Variants in ZNF721 observed in about 807,000 individuals in gnomAD.
ZNF721 encodes zinc finger protein 721.
A neutral mutation model predicts 2.4 loss-of-function variants in ZNF721; 2 were observed. The ratio of observed to expected loss-of-function variants is 0.82; its 90% CI spans 0.34 to 2.58. The LOEUF is 2.58. Ranked by LOEUF, ZNF721 falls within the 30% of genes most tolerant of loss-of-function variation. ZNF721 has a pLI of 0.11. For synonymous variants in ZNF721, 398 were observed against 381.8 expected (o/e 1.04, Z -0.50); for missense variants, 1,187 against 1,085.5 (o/e 1.09, Z -1.31).
At chr4:496,696 A>T (rs1216721493) in intron 1 of ZNF721, among the ~76,000 whole-genome samples, 3 of 150,016 alleles carry the variant, frequency 2.0e-5, no homozygotes, top group Non-Finnish European at 3.0e-5. Context: ...ATCACACAAA[A>T]TACATGACTT....
rs1368338203 is a variant in ZNF721, at chr4:494,093, TAG to T, written c.-94+4961_-94+4962del. 5.2e-4 allele frequency among the ~76,000 whole-genome samples: 79 copies of T among 152,270 alleles called. 1 individual carries two copies. The South Asian group carries it at 0.014, about 28-fold the overall frequency. On this transcript the variant is annotated intron_variant, in intron 1 of 2. Coordinates refer to ENST00000511833, the MANE Select transcript of ZNF721 (RefSeq NM_133474.4). ...TTTATTTTTCTTTAAGCCAATTAAT[TAG>T]AGTTCTTTTATATATTTTCAGTAGT...
Position 442,842 on chromosome 4 carries a change from G to T in ZNF721, c.1625C>A (p.Ala542Glu). Residue 542 changes from alanine (A) to glutamate (E), a missense_variant, in exon 3 of 3, where the codon GCA becomes GAA. Physicochemically the swap from Ala to Glu is moderately radical, Grantham distance 107. Transcript: ENST00000511833. ...EVCGKAFRQS[A>E]ILYVHRRIHT... is the part of the protein sequence containing the mutation. ...AATTCTCCTATGTACATAAAGGATT[G>T]CGGACTGTCTAAAGGCTTTGCCACA... The T allele has an allele frequency of 6.2e-7, 1 of 1,613,844 alleles. No homozygotes were observed. Among genetic ancestry groups the T allele is most frequent in the South Asian group, 1.1e-5 (1 of 91,058 alleles).
chr4:445,496 A>G (rs1405184166), intron 2 of ZNF721, among the ~76,000 whole-genome samples: 2 of 152,212 alleles, frequency 1.3e-5, no homozygotes, highest in African/African-American at 4.8e-5. Flanking sequence ...AGCAAATATT[A>G]CAATGTATAC....
In ZNF721 at chr4:442,200, T is replaced by A. The variant is rs1553863275; in HGVS notation, c.2267A>T (p.Lys756Ile). ...IHTGDKLYKC[K>I]ECGKVFKQSS... ...CTGTTTAAACACTTTCCCACATTCTTTACATTTGTAGAGTTTATCTCCAGT... is the reference window on the plus strand; with the variant it reads ...CTGTTTAAACACTTTCCCACATTCTATACATTTGTAGAGTTTATCTCCAGT... Residue 756 changes from lysine to isoleucine, a missense_variant, in exon 3 of 3, where the codon AAA (lysine) becomes ATA (isoleucine). Physicochemically the swap from Lys to Ile is moderately radical, Grantham distance 102. Coordinates refer to ENST00000511833, the MANE Select transcript of ZNF721 (RefSeq NM_133474.4). 2 of 1,612,310 alleles carry A rather than the reference T, an allele frequency of 1.2e-6. No individual in the cohort carries two copies. Among genetic ancestry groups the A allele is most frequent in the East Asian group, 4.5e-5 (2 of 44,856 alleles).
intron 2 of ZNF721, among the ~76,000 whole-genome samples, chr4:447,572 G>T (rs1553864345): frequency 6.6e-6 from 1 of 152,076 alleles, no homozygotes; most frequent in African/African-American, 2.4e-5. Context: ...AAATATTTAT[G>T]AAGTTTCCAT....
rs782760865 is a variant in ZNF721, at chr4:444,092, A to G, written c.375T>C (p.Thr125=). Residue 125 remains threonine (T), a synonymous_variant, in exon 3 of 3, where the codon ACT becomes ACC. Transcript: ENST00000511833. ...CTCCAGCATGAATTCCTTTATGTTGAGTTAGGTCTGAGAACTTCTGAAATG... is the reference window on the plus strand; with the variant it reads ...CTCCAGCATGAATTCCTTTATGTTGGGTTAGGTCTGAGAACTTCTGAAATG... ...GKSFQKFSDL[T]QHKGIHAGEK... The G allele has an allele frequency of 1.2e-6, 2 of 1,614,124 alleles. No homozygotes were observed. The highest frequency in any genetic ancestry group is 1.7e-6 in the Non-Finnish European group (2 of 1,180,010).
At chr4:497,330 T>C (rs540575228) in intron 1 of ZNF721, among the ~76,000 whole-genome samples, 89 of 151,976 alleles carry the variant, frequency 5.9e-4, no homozygotes, top group East Asian at 1.8e-3. Flanking sequence ...TCCTACCAGT[T>C]TGGGCAATAA....
chr4:491,079 G>A (rs1304915246), intron 1 of ZNF721, among the ~76,000 whole-genome samples: 2 of 152,104 alleles, frequency 1.3e-5, no homozygotes, highest in Non-Finnish European at 2.9e-5. Flanking sequence ...CCTTAAAAGA[G>A]AAGAAAAATA....
intron 1 of ZNF721, among the ~76,000 whole-genome samples, chr4:486,914 C>G (rs1349299277): frequency 6.6e-6 from 1 of 152,062 alleles, no homozygotes; most frequent in Non-Finnish European, 1.5e-5. Context: ...ATGACATTCT[C>G]AAAAAAATCT....
chr4:446,062 A>G (rs1368000942), intron 2 of ZNF721, among the ~76,000 whole-genome samples: 3 of 152,172 alleles, frequency 2.0e-5, no homozygotes, highest in African/African-American at 4.8e-5. Flanking sequence ...CACATGCTGA[A>G]AAAGTATATT....
At chr4:491,670 A>C (rs1337525734) in intron 1 of ZNF721, among the ~76,000 whole-genome samples, 1 of 152,244 alleles carries the variant, frequency 6.6e-6, no homozygotes, top group Non-Finnish European at 1.5e-5. Context: ...TCCAACATGT[A>C]TGAGAGGTTC....
intron 1 of ZNF721, among the ~76,000 whole-genome samples, chr4:483,960 T>C (rs1715832525): frequency 6.6e-6 from 1 of 152,220 alleles, no homozygotes; most frequent in South Asian, 2.1e-4. Context: ...TCCAGGGATG[T>C]ACCAGCACAC....
chr4:480,459 A>G (rs1186969278), intron 1 of ZNF721, among the ~76,000 whole-genome samples: 1 of 152,236 alleles, frequency 6.6e-6, no homozygotes, highest in Non-Finnish European at 1.5e-5. Flanking sequence ...TGTACAGTTT[A>G]GTAGTGCTAA....
At position 447,277 on chromosome 4, in the gene ZNF721, G is replaced by A. The variant is rs1004755305; in HGVS notation, c.35-2845C>T. 5.3e-5 allele frequency among the ~76,000 whole-genome samples: 8 copies of A among 152,096 alleles called. No individual in the cohort carries two copies. In the South Asian group the frequency reaches 6.2e-4, roughly 12 times the overall value. On this transcript the variant is annotated intron_variant, in intron 2 of 2. Coordinates refer to ENST00000511833, the MANE Select transcript of ZNF721 (RefSeq NM_133474.4). The stretch of plus-strand genomic sequence containing the variant: ...GCAGAGCTTGCAGTGAGCCGAGATC[G>A]CGCCACTGCACTCCATCCTGGGTGA...
At chr4:476,585 A>T (rs151028561) in intron 1 of ZNF721, among the ~76,000 whole-genome samples, 6 of 152,260 alleles carry the variant, frequency 3.9e-5, no homozygotes, top group South Asian at 4.1e-4. Context: ...TTATTTACCC[A>T]CACCAGATCG....
intron 1 of ZNF721, among the ~76,000 whole-genome samples, chr4:478,878 T>C (rs1553869006): frequency 6.6e-6 from 1 of 151,728 alleles, no homozygotes; most frequent in East Asian, 1.9e-4. Flanking sequence ...CAAGCGATTC[T>C]CCTGCCTCAG....
chr4:457,547 C>G (rs1184602491), intron 2 of ZNF721, among the ~76,000 whole-genome samples: 1 of 152,166 alleles, frequency 6.6e-6, no homozygotes, highest in Admixed American at 6.5e-5. Context: ...ACCTATGCCT[C>G]AGGTGAAAGG....
At chr4:473,879 G>A (rs1230077642) in intron 1 of ZNF721, 4 of 1,385,418 alleles carry the variant, frequency 2.9e-6, no homozygotes, top group African/African-American at 2.9e-5. Flanking sequence ...CTAAGCGGCG[G>A]CAGCGGGGAC....
intron 2 of ZNF721, among the ~76,000 whole-genome samples, chr4:464,511 A>T (rs909775369): frequency 2.6e-5 from 4 of 151,936 alleles, no homozygotes; most frequent in Non-Finnish European, 5.9e-5. Context: ...GTTCCTAATT[A>T]AAAAAGAAAA....
Sources: allele counts gnomAD v4.1 joint callset (sites outside exome capture counted in the v4.1 genomes callset), GRCh38; gene constraint gnomAD v4.1.1; transcripts MANE v1.5; gene names NCBI Gene and HGNC (gene_info 2026-07-23, HGNC 2026-07-21).